Variants in VPS13B observed in about 807,000 individuals in gnomAD.
VPS13B encodes vacuolar protein sorting 13 homolog B.
VPS13B carries 285 observed loss-of-function variants against 426.4 expected under a neutral mutation model. The ratio of observed to expected loss-of-function variants is 0.67; its 90% CI spans 0.61 to 0.74. The LOEUF (loss-of-function observed/expected upper bound fraction) is 0.74, where lower values mean the gene tolerates loss of function less well. Among genes scored for constraint, VPS13B ranks in the 30% least tolerant of loss-of-function variants. VPS13B has a pLI of 0.00. For missense variants in VPS13B, 4,537 were observed against 4,782.6 expected (o/e 0.95, Z 1.51); for synonymous variants, 1,676 against 1,676.4 (o/e 1.00, Z 0.01).
chr8:99,472,302 A>G (rs970174897), intron 24 of VPS13B, among the ~76,000 whole-genome samples: 2 of 152,096 alleles, frequency 1.3e-5, no homozygotes, highest in Non-Finnish European at 2.9e-5. Context: ...CAACCGTAGA[A>G]TGTGCTTTTT....
intron 3 of VPS13B, among the ~76,000 whole-genome samples, chr8:99,068,987 G>T (rs2132327119): frequency 6.7e-6 from 1 of 149,262 alleles, no homozygotes; most frequent in East Asian, 2.0e-4. Flanking sequence ...TAAAGTATAT[G>T]ATCATTTAAA....
At chr8:99,023,755 A>G (rs976514272) in intron 2 of VPS13B, among the ~76,000 whole-genome samples, 5 of 152,218 alleles carry the variant, frequency 3.3e-5, no homozygotes, top group African/African-American at 1.2e-4. Flanking sequence ...CTGGGATTAC[A>G]GGTGTGAGCC....
intron 33 of VPS13B, among the ~76,000 whole-genome samples, chr8:99,586,541 G>A (rs886790250): frequency 1.3e-5 from 2 of 152,016 alleles, no homozygotes; most frequent in African/African-American, 4.8e-5. Context: ...TTCTGTTATG[G>A]CCTGACTTTT....
At chr8:99,355,525 A>G (rs1435058213) in intron 19 of VPS13B, among the ~76,000 whole-genome samples, 1 of 152,180 alleles carries the variant, frequency 6.6e-6, no homozygotes, top group African/African-American at 2.4e-5. Flanking sequence ...TGGGAGGCGG[A>G]GGTTGCAGTG....
Position 99,720,866 on chromosome 8 carries a change from C to A in VPS13B, c.6869C>A (p.Ser2290Tyr), listed in dbSNP as rs763678767. The change falls in exon 39 of 62, where the codon TCT becomes TAT. Residue 2290 changes from serine (S) to tyrosine (Y), a missense_variant. Transcript: ENST00000357162. ...TAATTATACTTTTATTTGACAGAATCTTTGAAATTGCCTGGGGTCTATGAA... is the reference window on the plus strand; with the variant it reads ...TAATTATACTTTTATTTGACAGAATATTTGAAATTGCCTGGGGTCTATGAA... Reference protein sequence around the residue: ...GLFQYVQDAESLKLPGVYEVL... With the variant: ...GLFQYVQDAEYLKLPGVYEVL... 6.2e-7 allele frequency: 1 copy of A among 1,612,626 alleles called. No homozygotes were observed. Among genetic ancestry groups the A allele is most frequent in the South Asian group, 1.1e-5 (1 of 90,964 alleles).
intron 17 of VPS13B, chr8:99,209,757 A>G: frequency 2.1e-6 from 2 of 943,236 alleles, no homozygotes; most frequent in Non-Finnish European, 2.5e-6. Flanking sequence ...TATAGTCAAA[A>G]TGGCTCACAT....
At chr8:99,545,450 T>C (rs766738262) in intron 30 of VPS13B, among the ~76,000 whole-genome samples, 6 of 152,214 alleles carry the variant, frequency 3.9e-5, no homozygotes, top group Non-Finnish European at 8.8e-5. Context: ...TACTACACTA[T>C]GACTCAAGGA....
rs533351027 is a variant in VPS13B, at chr8:99,567,361, T to C, written c.4950-8297T>C. Among the ~76,000 whole-genome samples, 10 of 152,288 alleles carry C rather than the reference T, an allele frequency of 6.6e-5. No homozygotes were observed. The South Asian group carries it at 2.1e-3, about 32-fold the overall frequency. ...ATTAAGTTAATATTTTAATTTAGTA[T>C]GCTCATAAAACTGTCTTCTAGATAT... is the stretch of plus-strand genomic sequence containing the variant. On this transcript the variant is annotated intron_variant, in intron 31 of 61. Transcript: ENST00000357162.
At chr8:99,844,838 ATCTC>A (rs1311303651) in intron 54 of VPS13B, among the ~76,000 whole-genome samples, 1 of 152,080 alleles carries the variant, frequency 6.6e-6, no homozygotes, top group Non-Finnish European at 1.5e-5. Context: ...CATTTCTGGA[ATCTC>A]TCTATTATCT....
At chr8:99,703,502 G>C (rs1832369360) in intron 36 of VPS13B, among the ~76,000 whole-genome samples, 1 of 151,808 alleles carries the variant, frequency 6.6e-6, no homozygotes, top group African/African-American at 2.4e-5. Flanking sequence ...AAAATCCTAT[G>C]ATTATATTAA....
At chr8:99,701,796 T>A (rs778682441) in intron 36 of VPS13B, among the ~76,000 whole-genome samples, 11 of 152,266 alleles carry the variant, frequency 7.2e-5, no homozygotes, top group African/African-American at 2.4e-4. Context: ...AACACCAAAA[T>A]CTATTTTTAG....
intron 31 of VPS13B, among the ~76,000 whole-genome samples, chr8:99,572,676 C>T (rs1825542881): frequency 6.6e-6 from 1 of 152,148 alleles, no homozygotes; most frequent in Non-Finnish European, 1.5e-5. Context: ...TGTATATGTG[C>T]CACATTTTCT....
At chr8:99,485,144 T>C (rs1379551554) in intron 25 of VPS13B, among the ~76,000 whole-genome samples, 1 of 152,210 alleles carries the variant, frequency 6.6e-6, no homozygotes, top group African/African-American at 2.4e-5. Context: ...GAAACCCTAC[T>C]AGGGTTAACT....
At chr8:99,221,644 T>C (rs979425906) in intron 17 of VPS13B, among the ~76,000 whole-genome samples, 1 of 152,198 alleles carries the variant, frequency 6.6e-6, no homozygotes, top group African/African-American at 2.4e-5. Flanking sequence ...GTTCTCAGAG[T>C]TTTAAAACTT....
intron 27 of VPS13B, among the ~76,000 whole-genome samples, chr8:99,503,623 A>G (rs976324812): frequency 6.6e-6 from 1 of 152,130 alleles, no homozygotes; most frequent in Non-Finnish European, 1.5e-5. Flanking sequence ...CCCCAGGAGT[A>G]TTTTGCATCT....
At chr8:99,558,822 G>T (rs1293002299) in intron 31 of VPS13B, among the ~76,000 whole-genome samples, 16 of 152,174 alleles carry the variant, frequency 1.1e-4, no homozygotes, top group Non-Finnish European at 2.4e-4. Context: ...ATGGACATTT[G>T]GGTTGGTTCC....
intron 19 of VPS13B, among the ~76,000 whole-genome samples, chr8:99,360,198 CTCTCTCTCTCTCTTTCTT>C (rs1209794931): frequency 2.4e-5 from 1 of 41,580 alleles, no homozygotes; most frequent in African/African-American, 1.2e-4. Flanking sequence ...TTCTCTCTCT[CTCTCTCTCTCTCTTTCTT>C]TCTTTCTTTC....
intron 2 of VPS13B, among the ~76,000 whole-genome samples, chr8:99,025,121 T>A (rs923394413): frequency 1.3e-5 from 2 of 152,192 alleles, no homozygotes; most frequent in Admixed American, 6.5e-5. Flanking sequence ...CACTACTGAT[T>A]TTTGTAGATT....
chr8:99,536,325 C>G (rs1238212061), intron 30 of VPS13B, among the ~76,000 whole-genome samples: 1 of 152,100 alleles, frequency 6.6e-6, no homozygotes, highest in Admixed American at 6.6e-5. Context: ...ATTATCCACT[C>G]TGGTATTTTC....
Sources: allele counts gnomAD v4.1 joint callset (sites outside exome capture counted in the v4.1 genomes callset), GRCh38; gene constraint gnomAD v4.1.1; transcripts MANE v1.5; gene names NCBI Gene and HGNC (gene_info 2026-07-23, HGNC 2026-07-21).